Variants in VSTM2A observed in about 807,000 individuals in gnomAD.
The protein encoded by VSTM2A is V-set and transmembrane domain containing 2A, also known as V-set and transmembrane domain-containing protein 2A.
Under a neutral mutation model 27.3 loss-of-function variants are expected in VSTM2A, and 13 were observed. The observed-to-expected ratio is 0.48, with a 90% confidence interval of 0.31 to 0.76. The LOEUF (loss-of-function observed/expected upper bound fraction) is 0.76. Ranked by LOEUF, VSTM2A falls within the 30% of genes least tolerant of loss-of-function variation. The pLI is 0.05. For missense variants in VSTM2A, 280 were observed against 310.0 expected, an observed-to-expected ratio of 0.90 and a Z score of 0.73; for synonymous variants, 142 against 125.7, an observed-to-expected ratio of 1.13 and a Z score of -0.87.
chr7:54,544,634 A>C lies in VSTM2A; in HGVS notation c.92A>C (p.Glu31Ala). 1 of 1,612,908 alleles carries C rather than the reference A, an allele frequency of 6.2e-7. No homozygotes were observed. Among genetic ancestry groups the C allele is most frequent in the South Asian group, 1.1e-5 (1 of 91,086 alleles). ...TTCTGTTTTGCAGCAAAATTTACCG[A>C]GTTTCCGCGGAACGTGACGGCGACC... ...QGLSSQAKFT[E>A]FPRNVTATEG... is the part of the protein sequence containing the mutation. The change falls in exon 2 of 5, where the codon GAG becomes GCG. Residue 31 changes from glutamate (E) to alanine (A), a missense_variant. By Grantham distance (107) the Glu-to-Ala change is moderately radical (BLOSUM62 -1). Coordinates refer to ENST00000402613, the MANE Select transcript of VSTM2A (RefSeq NM_001301009.2).
chr7:54,550,452 C>T (rs1788154797), intron 4 of VSTM2A: 1 of 691,214 alleles, frequency 1.4e-6, no homozygotes, highest in East Asian at 3.0e-5. Flanking sequence ...ATTATAAGAA[C>T]AATAAATCAT....
intron 3 of VSTM2A, 66 bp from the exon 4 acceptor site, chr7:54,549,768 G>C: frequency 7.0e-7 from 1 of 1,420,796 alleles, no homozygotes; most frequent in Non-Finnish European, 9.4e-7. Context: ...GCAAGCTCAG[G>C]GTAAAAAATG....
chr7:54,566,579 A>C (rs569983680), intron 4 of VSTM2A, among the ~76,000 whole-genome samples: 1 of 152,354 alleles, frequency 6.6e-6, no homozygotes, highest in Admixed American at 6.5e-5. Context: ...TGACTGTATT[A>C]AGGGGAAAAC....
At chr7:54,554,161 C>A in intron 4 of VSTM2A, 1 of 1,514,626 alleles carries the variant, frequency 6.6e-7, no homozygotes, top group Admixed American at 2.0e-5. Flanking sequence ...TCTCACATCT[C>A]GTCCTTCCCA....
At chr7:54,559,463 AT>A (rs1788480655) in intron 4 of VSTM2A, 2 of 152,138 alleles carry the variant, frequency 1.3e-5, no homozygotes, top group African/African-American at 4.8e-5. Context: ...GATAGGTATA[AT>A]CTTGGCAAAA....
At chr7:54,558,433 G>A (rs529961278) in intron 4 of VSTM2A, 1 of 152,090 alleles carries the variant, frequency 6.6e-6, no homozygotes, top group Non-Finnish European at 1.5e-5. Flanking sequence ...AAAGTCTTAT[G>A]TATAAAACTG....
Position 54,569,411 on chromosome 7 carries a change from C to T in VSTM2A, c.*192C>T. ...TCGGCGACTAAAATCATCTCACTGA[C>T]TGCTCAAGGGTTGGCCTGAATGTCA... On this transcript the variant is annotated 3_prime_UTR_variant, in exon 5 of 5. Transcript: ENST00000402613. 1 of 1,002,342 alleles carries T rather than the reference C, an allele frequency of 1.0e-6. No individual in the cohort carries two copies. Among genetic ancestry groups the T allele is most frequent in the Non-Finnish European group, 1.4e-6 (1 of 707,110 alleles). 62.1% of individuals were successfully genotyped at this position (1,002,342 alleles called of 1,614,324 possible).
intron 4 of VSTM2A, among the ~76,000 whole-genome samples, chr7:54,563,889 A>G (rs1362136954): frequency 6.6e-6 from 1 of 152,244 alleles, no homozygotes; most frequent in Non-Finnish European, 1.5e-5. Flanking sequence ...GGCACCGGAC[A>G]TGTAAGCATT....
chr7:54,549,280 G>A (rs1416322745), intron 3 of VSTM2A, among the ~76,000 whole-genome samples: 1 of 152,070 alleles, frequency 6.6e-6, no homozygotes, highest in Non-Finnish European at 1.5e-5. Flanking sequence ...CTAGAGGCAA[G>A]ACTGCATCTA....
Position 54,542,770 on chromosome 7 carries a change from T to C in VSTM2A, c.40T>C (p.Phe14Leu), listed in dbSNP as rs2115738356. Residue 14 changes from phenylalanine (F) to leucine (L), a missense_variant, in exon 1 of 5, where the codon TTT becomes CTT. Transcript: ENST00000402613. The stretch of plus-strand genomic sequence containing the variant: ...TTTGGTGTATGTTGGATTTGTTTTC[T>C]TTTCCGTTTTATATGTACAACAAGG... The part of the protein sequence containing the change: ...IFLVYVGFVF[F>L]SVLYVQQGLS... The C allele has an allele frequency of 6.2e-7, 1 of 1,613,938 alleles. No homozygotes were observed. Among genetic ancestry groups the C allele is most frequent in the Middle Eastern group, 1.6e-4 (1 of 6,062 alleles).
chr7:54,567,510 C>T (rs980956317), intron 4 of VSTM2A, among the ~76,000 whole-genome samples: 4 of 152,040 alleles, frequency 2.6e-5, no homozygotes, highest in African/African-American at 4.8e-5. Flanking sequence ...TCAGCCATGT[C>T]CTATGAAGGG....
intron 2 of VSTM2A, among the ~76,000 whole-genome samples, chr7:54,545,368 C>A (rs368359181): frequency 2.2e-5 from 3 of 137,128 alleles, no homozygotes; most frequent in Non-Finnish European, 3.1e-5. Context: ...CCGGGAGAGG[C>A]ACAGAGAAGG....
chr7:54,553,242 C>T (rs374201909), intron 4 of VSTM2A, among the ~76,000 whole-genome samples: 1 of 152,124 alleles, frequency 6.6e-6, no homozygotes, highest in African/African-American at 2.4e-5. Flanking sequence ...TCTTTTTTAT[C>T]TTTGTGAATC....
At chr7:54,563,604 T>C (rs975934606) in intron 4 of VSTM2A, among the ~76,000 whole-genome samples, 1 of 151,940 alleles carries the variant, frequency 6.6e-6, no homozygotes, top group Non-Finnish European at 1.5e-5. Context: ...CAGAGCAGGG[T>C]TCTAAGCAAC....
In VSTM2A at chr7:54,542,644, G is replaced by A; in HGVS notation, c.-87G>A. The A allele has an allele frequency of 8.1e-7, 1 of 1,229,932 alleles. No individual in the cohort carries two copies. Among genetic ancestry groups the A allele is most frequent in the South Asian group, 1.3e-5 (1 of 75,820 alleles). 76.2% of individuals were successfully genotyped at this position (1,229,932 alleles called of 1,614,324 possible). On this transcript the variant is annotated 5_prime_UTR_variant, in exon 1 of 5. Coordinates refer to ENST00000402613, the MANE Select transcript of VSTM2A (RefSeq NM_001301009.2). ...TGCAGTGTCGCGCCCAGGGCTCTGA[G>A]ACTGAGCCTGCCATCCACTCGCACG...
At chr7:54,544,002 A>T (rs1787864046) in intron 1 of VSTM2A, among the ~76,000 whole-genome samples, 1 of 152,222 alleles carries the variant, frequency 6.6e-6, no homozygotes, top group East Asian at 1.9e-4. Flanking sequence ...ACATCTTAAG[A>T]TGTATGGCAA....
chr7:54,561,942 T>A (rs1788574921), intron 4 of VSTM2A, among the ~76,000 whole-genome samples: 1 of 152,094 alleles, frequency 6.6e-6, no homozygotes, highest in Non-Finnish European at 1.5e-5. Context: ...TTTTTGTTTT[T>A]GAGACAGAGT....
intron 1 of VSTM2A, among the ~76,000 whole-genome samples, chr7:54,543,829 C>A (rs562574156): frequency 6.6e-6 from 1 of 152,238 alleles, no homozygotes; most frequent in Admixed American, 6.5e-5. Context: ...TCAAGAAATG[C>A]CTTTAGGAGG....
intron 4 of VSTM2A, among the ~76,000 whole-genome samples, chr7:54,561,914 T>C (rs985091839): frequency 6.7e-6 from 1 of 148,774 alleles, no homozygotes; most frequent in African/African-American, 2.6e-5. Context: ...ATTAGTTTTT[T>C]AGTTTTTTGT....
Sources: gnomAD v4.1 joint callset for allele counts (sites outside exome capture counted in the v4.1 genomes callset) on GRCh38, gnomAD v4.1.1 for gene constraint, MANE v1.5 for transcripts, NCBI Gene and HGNC (gene_info 2026-07-23, HGNC 2026-07-21) for gene names.